The following PLCB4 variants were observed in gnomAD, a reference collection of about 807,000 sequenced individuals.
PLCB4 encodes 1-phosphatidylinositol 4,5-bisphosphate phosphodiesterase beta-4.
A neutral mutation model predicts 178.8 loss-of-function variants in PLCB4; 77 were observed. The observed-to-expected ratio is 0.43, with a 90% CI of 0.36 to 0.52. The LOEUF (loss-of-function observed/expected upper bound fraction) is 0.52, where lower values mean the gene tolerates loss of function less well. Among genes scored for constraint, PLCB4 ranks in the 20% least tolerant of loss-of-function variants. PLCB4 has a pLI of 0.00. For missense variants in PLCB4, 1,024 were observed against 1,453.4 expected (o/e 0.70, Z 4.80); for synonymous variants, 496 against 490.8 (o/e 1.01, Z -0.14).
At chr20:9,333,509 A>C (rs1002693525) in intron 4 of PLCB4, among the ~76,000 whole-genome samples, 2 of 152,174 alleles carry the variant, frequency 1.3e-5, no homozygotes, top group African/African-American at 4.8e-5. Flanking sequence ...AGAAGGAAGA[A>C]CAGAGAGTGG....
chr20:9,339,067 TC>T, intron 7 of PLCB4, 30 bp downstream of exon 7: 1 of 1,572,940 alleles, frequency 6.4e-7, no homozygotes, highest in Non-Finnish European at 8.7e-7. Flanking sequence ...CTCCTTCTCT[TC>T]CCCACCATGT....
At chr20:9,228,629 C>T (rs2093895668) in intron 3 of PLCB4, among the ~76,000 whole-genome samples, 1 of 152,130 alleles carries the variant, frequency 6.6e-6, no homozygotes, top group African/African-American at 2.4e-5. Flanking sequence ...AGCTGACCCT[C>T]ATCAAAATAC....
intron 35 of PLCB4, among the ~76,000 whole-genome samples, chr20:9,464,852 T>C (rs1453758264): frequency 6.6e-6 from 1 of 152,142 alleles, no homozygotes; most frequent in African/African-American, 2.4e-5. Flanking sequence ...CTACCAGAGA[T>C]ACAAAGAGGA....
At chr20:9,379,952 A>T in intron 12 of PLCB4, 102 bp from the exon 13 acceptor site, 2 of 597,622 alleles carry the variant, frequency 3.3e-6, no homozygotes, top group Non-Finnish European at 6.0e-6. Flanking sequence ...TATAAACATG[A>T]CAGTCTAGAT....
intron 12 of PLCB4, among the ~76,000 whole-genome samples, chr20:9,378,786 G>T (rs2036896003): frequency 6.6e-6 from 1 of 152,136 alleles, no homozygotes. Context: ...TCTTAACTCG[G>T]TGGGGGAGGA....
intron 2 of PLCB4, among the ~76,000 whole-genome samples, chr20:9,140,879 A>G (rs2092475679): frequency 6.6e-6 from 1 of 152,100 alleles, no homozygotes; most frequent in African/African-American, 2.4e-5. Flanking sequence ...ACTAACACAG[A>G]GGTAGTTGCC....
At chr20:9,187,885 C>T (rs977816910) in intron 2 of PLCB4, among the ~76,000 whole-genome samples, 2 of 152,096 alleles carry the variant, frequency 1.3e-5, no homozygotes, top group African/African-American at 2.4e-5. Context: ...AGGCATTTTG[C>T]GTTCATTTGG....
At chr20:9,364,017 A>G (rs1754282878) in intron 8 of PLCB4, among the ~76,000 whole-genome samples, 1 of 152,238 alleles carries the variant, frequency 6.6e-6, no homozygotes, top group Non-Finnish European at 1.5e-5. Context: ...GTGAATCAAA[A>G]TTACCATGCA....
chr20:9,174,159 G>A (rs146350396), intron 2 of PLCB4, among the ~76,000 whole-genome samples: 41 of 152,020 alleles, frequency 2.7e-4, no homozygotes, highest in African/African-American at 9.9e-4. Flanking sequence ...TTTTCTCCTG[G>A]AGACAGGGTC....
At chr20:9,285,698 C>T (rs1185970390) in intron 3 of PLCB4, among the ~76,000 whole-genome samples, 1 of 151,896 alleles carries the variant, frequency 6.6e-6, no homozygotes, top group South Asian at 2.1e-4. Flanking sequence ...GCTTTGGGGC[C>T]ATAAACAAAA....
intron 1 of PLCB4, among the ~76,000 whole-genome samples, chr20:9,093,792 A>G (rs1229343334): frequency 3.9e-5 from 6 of 152,014 alleles, no homozygotes. Flanking sequence ...GGGTCAGTAA[A>G]TCAAATTCCT....
intron 25 of PLCB4, among the ~76,000 whole-genome samples, chr20:9,415,332 G>A (rs975367779): frequency 1.3e-5 from 2 of 152,104 alleles, no homozygotes; most frequent in African/African-American, 2.4e-5. Flanking sequence ...TGAAGCCTCA[G>A]AAAGCAAAAT....
At chr20:9,359,847 C>T (rs201305728) in intron 7 of PLCB4, among the ~76,000 whole-genome samples, 1 of 152,150 alleles carries the variant, frequency 6.6e-6, no homozygotes, top group African/African-American at 2.4e-5. Flanking sequence ...ATCTAGTTCA[C>T]GCCTGGCGTA....
chr20:9,329,447 T>G (rs958715297), intron 4 of PLCB4, among the ~76,000 whole-genome samples: 3 of 152,174 alleles, frequency 2.0e-5, no homozygotes, highest in African/African-American at 7.2e-5. Context: ...CTTAGAGCGT[T>G]GCCTGGCTCT....
intron 3 of PLCB4, among the ~76,000 whole-genome samples, chr20:9,295,940 G>A (rs568877153): frequency 6.2e-4 from 94 of 152,266 alleles, no homozygotes; most frequent in African/African-American, 2.1e-3. Flanking sequence ...TCAGGACATA[G>A]GCATGGGCAA....
At chr20:9,132,245 A>G (rs2092289270) in intron 2 of PLCB4, among the ~76,000 whole-genome samples, 3 of 152,054 alleles carry the variant, frequency 2.0e-5, no homozygotes, top group East Asian at 1.9e-4. Flanking sequence ...TCATAATGCT[A>G]TAGTGCCATT....
chr20:9,307,892 C>T lies in PLCB4; in HGVS notation c.78C>T (p.Tyr26=), dbSNP rs1283357531. 7.8e-6 allele frequency: 11 copies of T among 1,403,596 alleles called. No homozygotes were observed. Among genetic ancestry groups the T allele is most frequent in the East Asian group, 2.3e-5 (1 of 43,708 alleles). 86.9% of individuals were successfully genotyped at this position (1,403,596 alleles called of 1,614,324 possible). A position where few individuals can be genotyped will look rare whatever the true frequency, so the allele number is the denominator to read the frequency against. The part of the protein sequence containing the change: ...FLQEGAVFDR[Y]EEESFVFEPN... ...AAGAAGGAGCAGTTTTTGACAGATACGAGGAGGTAAAGAAGTGTTATTAAT... is the reference window on the plus strand; with the variant it reads ...AAGAAGGAGCAGTTTTTGACAGATATGAGGAGGTAAAGAAGTGTTATTAAT... The change falls in exon 4 of 40, where the codon TAC becomes TAT. Residue 26 remains tyrosine, a synonymous_variant. Transcript: ENST00000378473.
chr20:9,327,118 GATT>G lies in PLCB4; in HGVS notation c.85-10000_85-9998del, dbSNP rs531667121. The stretch of plus-strand genomic sequence containing the variant: ...TAATCAGTACTAGCAACATTATAAT[GATT>G]ATTATTACTATGTTTTATATTAATA... On this transcript the variant is annotated intron_variant, in intron 4 of 39. Coordinates refer to ENST00000378473, the MANE Select transcript of PLCB4 (RefSeq NM_001377142.1). Among the ~76,000 whole-genome samples the G allele has an allele frequency of 1.9e-3, 289 of 151,946 alleles. 1 individual carries two copies. Among genetic ancestry groups the G allele is most frequent in the African/African-American group, 6.6e-3 (274 of 41,354 alleles).
rs186120485 is a variant in PLCB4 at position 9,208,748 on chromosome 20, C to T, written c.-78-8642C>T. ...TAGAGATGGAGTCTCACTATGTTGA[C>T]GAGGCTGATCTCAAACTTCTGGGCC... On this transcript the variant is annotated intron_variant, in intron 2 of 39. Coordinates refer to ENST00000378473, the MANE Select transcript of PLCB4 (RefSeq NM_001377142.1). Among the ~76,000 whole-genome samples, 12 of 152,192 alleles carry T rather than the reference C, an allele frequency of 7.9e-5. No individual in the cohort carries two copies. The East Asian group carries it at 1.9e-3, about 25-fold the overall frequency.
Sources: allele counts gnomAD v4.1 joint callset (sites outside exome capture counted in the v4.1 genomes callset), GRCh38; gene constraint gnomAD v4.1.1; transcripts MANE v1.5; gene names NCBI Gene and HGNC (gene_info 2026-07-23, HGNC 2026-07-21).